ARL15: variants seen among roughly 807,000 people sequenced by gnomAD.
ARL15 encodes ARF like GTPase 15, also known as ADP-ribosylation factor-like protein 15.
In ARL15, 19 loss-of-function variants were observed where a neutral mutation model predicts 25.2. The observed-to-expected ratio is 0.75, with a 90% CI of 0.53 to 1.10. ARL15 has a LOEUF of 1.10. Among genes scored for constraint, ARL15 ranks in the 50% least tolerant of loss-of-function variants. The pLI is 0.00. For synonymous variants in ARL15, 94 were observed against 86.8 expected (o/e 1.08, Z -0.46); for missense variants, 220 against 246.0 (o/e 0.89, Z 0.71).
intron 1 of ARL15, among the ~76,000 whole-genome samples, chr5:54,194,953 G>C (rs981631633): frequency 6.6e-6 from 1 of 152,150 alleles, no homozygotes; most frequent in African/African-American, 2.4e-5. Context: ...ATGCCACAAA[G>C]AGTAGGGTGT....
At position 53,885,438 on chromosome 5, in the gene ARL15, A is replaced by G. The variant is rs1408170932; in HGVS notation, c.*1123T>C. On this transcript the variant is annotated 3_prime_UTR_variant, in exon 5 of 5. Coordinates refer to ENST00000504924, the MANE Select transcript of ARL15 (RefSeq NM_019087.3). The stretch of plus-strand genomic sequence containing the variant: ...TTCCAAAGACTGAATATGAGTCCCA[A>G]TATTATTTATTTGCTGCAGCCCCAG... The G allele has an allele frequency of 2.6e-5, 4 of 152,606 alleles. No homozygotes were observed. Among genetic ancestry groups the G allele is most frequent in the Non-Finnish European group, 5.9e-5 (4 of 68,026 alleles). 9.5% of individuals were successfully genotyped at this position (152,606 alleles called of 1,614,324 possible).
chr5:54,123,164 CAAT>C (rs1753140122), intron 3 of ARL15, among the ~76,000 whole-genome samples: 1 of 150,512 alleles, frequency 6.6e-6, no homozygotes, highest in Non-Finnish European at 1.5e-5. Context: ...GGCTGGAGTG[CAAT>C]GGTGCCATCT....
intron 2 of ARL15, 135 bp from the exon 3 acceptor site, chr5:54,154,774 A>G: frequency 1.7e-6 from 1 of 572,884 alleles, no homozygotes; most frequent in Non-Finnish European, 3.0e-6. Flanking sequence ...TACTAGAAAC[A>G]CATAATTTCC....
At chr5:54,066,723 C>G (rs1751245536) in intron 4 of ARL15, among the ~76,000 whole-genome samples, 1 of 152,040 alleles carries the variant, frequency 6.6e-6, no homozygotes, top group African/African-American at 2.4e-5. Context: ...TACTTCCCAA[C>G]CTGCTGAGAT....
chr5:54,274,210 TCGGC>T, intron 1 of ARL15, among the ~76,000 whole-genome samples: 2 of 151,488 alleles, frequency 1.3e-5, no homozygotes, highest in African/African-American at 4.9e-5. Context: ...AGCAAGAGAG[TCGGC>T]TGACGCTGGG....
intron 4 of ARL15, among the ~76,000 whole-genome samples, chr5:53,942,476 G>A (rs756998685): frequency 1.6e-4 from 24 of 152,292 alleles, no homozygotes; most frequent in Non-Finnish European, 2.1e-4. Context: ...GACCAGGCGC[G>A]GTGGCTCATG....
At chr5:54,103,465 T>C (rs1230368812) in intron 4 of ARL15, among the ~76,000 whole-genome samples, 1 of 152,044 alleles carries the variant, frequency 6.6e-6, no homozygotes, top group African/African-American at 2.4e-5. Flanking sequence ...ATTGAAATAA[T>C]AGAGTCATGG....
intron 1 of ARL15, among the ~76,000 whole-genome samples, chr5:54,248,237 T>C (rs1757144740): frequency 6.6e-6 from 1 of 152,172 alleles, no homozygotes; most frequent in Non-Finnish European, 1.5e-5. Flanking sequence ...TCATGAGGGT[T>C]GTCTCACTCA....
At chr5:54,208,979 A>T (rs1755954422) in intron 1 of ARL15, among the ~76,000 whole-genome samples, 1 of 152,226 alleles carries the variant, frequency 6.6e-6, no homozygotes, top group African/African-American at 2.4e-5. Flanking sequence ...CAGAATATTG[A>T]CTGAATGATG....
At chr5:54,124,108 A>G (rs1366900116) in intron 3 of ARL15, among the ~76,000 whole-genome samples, 5 of 152,194 alleles carry the variant, frequency 3.3e-5, no homozygotes, top group Non-Finnish European at 7.4e-5. Context: ...ATAGTTAAAG[A>G]CTATATTTGC....
intron 4 of ARL15, among the ~76,000 whole-genome samples, chr5:53,894,916 T>C (rs1744826790): frequency 6.6e-6 from 1 of 152,178 alleles, no homozygotes; most frequent in Non-Finnish European, 1.5e-5. Flanking sequence ...GTTGGTTGCC[T>C]CCTCATCACC....
chr5:54,254,293 T>A (rs1757312118), intron 1 of ARL15, among the ~76,000 whole-genome samples: 1 of 152,206 alleles, frequency 6.6e-6, no homozygotes, highest in African/African-American at 2.4e-5. Flanking sequence ...TAACCTTGGG[T>A]ACTTGCTATA....
chr5:54,016,016 C>T (rs1037064084), intron 4 of ARL15, among the ~76,000 whole-genome samples: 8 of 152,128 alleles, frequency 5.3e-5, no homozygotes, highest in African/African-American at 1.9e-4. Context: ...CCCAGAAGGC[C>T]CAAGCCCTTT....
chr5:54,263,739 G>A (rs1554051311), intron 1 of ARL15, among the ~76,000 whole-genome samples: 1 of 152,132 alleles, frequency 6.6e-6, no homozygotes, highest in Non-Finnish European at 1.5e-5. Flanking sequence ...GGATAGAGCA[G>A]TGAACCAAGC....
At chr5:54,285,689 G>A (rs760853030) in intron 1 of ARL15, among the ~76,000 whole-genome samples, 3 of 152,144 alleles carry the variant, frequency 2.0e-5, no homozygotes, top group Non-Finnish European at 4.4e-5. Flanking sequence ...CCTGCAAGCA[G>A]TATGTTAAAA....
At chr5:53,912,527 G>A (rs1185850599) in intron 4 of ARL15, among the ~76,000 whole-genome samples, 1 of 152,264 alleles carries the variant, frequency 6.6e-6, no homozygotes, top group East Asian at 1.9e-4. Context: ...TACTCCTTGA[G>A]AGTATTGCAA....
At chr5:54,015,366 A>C (rs1749396160) in intron 4 of ARL15, among the ~76,000 whole-genome samples, 1 of 152,200 alleles carries the variant, frequency 6.6e-6, no homozygotes, top group African/African-American at 2.4e-5. Context: ...AACCTGAAAA[A>C]AATCCAAAAT....
intron 1 of ARL15, among the ~76,000 whole-genome samples, chr5:54,300,525 T>C (rs561123055): frequency 6.6e-6 from 1 of 152,212 alleles, no homozygotes; most frequent in Non-Finnish European, 1.5e-5. Context: ...CAAACCCCGA[T>C]TCACGAGTAA....
chr5:53,917,035 T>G (rs760900843), intron 4 of ARL15, among the ~76,000 whole-genome samples: 12 of 152,196 alleles, frequency 7.9e-5, no homozygotes, highest in African/African-American at 2.9e-4. Flanking sequence ...CAGTTTTCAT[T>G]TTCTTTTCTT....
Sources: allele counts gnomAD v4.1 joint callset (sites outside exome capture counted in the v4.1 genomes callset), GRCh38; gene constraint gnomAD v4.1.1; transcripts MANE v1.5; gene names NCBI Gene and HGNC (gene_info 2026-07-23, HGNC 2026-07-21).